Variants in TEPSIN observed in about 807,000 individuals in gnomAD.
TEPSIN encodes AP-4 complex accessory subunit tepsin.
In TEPSIN, 50 loss-of-function variants were observed where a neutral mutation model predicts 48.5. The observed-to-expected ratio is 1.03, with a 90% CI of 0.82 to 1.31. The LOEUF (loss-of-function observed/expected upper bound fraction) is 1.31. TEPSIN is among the 50% of genes most tolerant of loss of function. The probability of loss-of-function intolerance (pLI) is 0.00; values close to 1 mark genes in which losing one functional copy is unlikely to be tolerated. For synonymous variants in TEPSIN, 392 were observed against 358.8 expected (o/e 1.09, Z -1.05); for missense variants, 838 against 815.9 (o/e 1.03, Z -0.33).
At chr17:81,238,668 ACGTCCAC>A (rs1598365671) in intron 1 of TEPSIN, 1 of 1,183,274 alleles carries the variant, frequency 8.5e-7, no homozygotes, top group East Asian at 3.8e-5. Context: ...CAGCGGCTCC[ACGTCCAC>A]CGGGTCCGCC....
chr17:81,231,143 ATG>A (rs1383072736), intron 11 of TEPSIN: 3 of 570,730 alleles, frequency 5.3e-6, no homozygotes, highest in Non-Finnish European at 9.3e-6. Flanking sequence ...ACACACACAG[ATG>A]TGTGCATACC....
chr17:81,231,784 C>T, intron 9 of TEPSIN, 63 bp downstream of exon 9: 1 of 1,605,948 alleles, frequency 6.2e-7, no homozygotes, highest in South Asian at 1.1e-5. Flanking sequence ...AGGAGCCGCG[C>T]TGGGAGGGGG....
At chr17:81,236,493 C>T (rs571688169) in intron 4 of TEPSIN, among the ~76,000 whole-genome samples, 9 of 152,258 alleles carry the variant, frequency 5.9e-5, no homozygotes, top group Non-Finnish European at 1.0e-4. Flanking sequence ...GGGCAGGGCG[C>T]GTCAGGGGAG....
At chr17:81,238,395 C>G (rs1025784464) in intron 1 of TEPSIN, 1 of 266,820 alleles carries the variant, frequency 3.7e-6, no homozygotes, top group African/African-American at 2.3e-5. Flanking sequence ...CACCCAGCCC[C>G]CTCTGAGGTC....
Position 81,234,306 on chromosome 17 carries a change from C to G in TEPSIN, c.308-258G>C. ...CCTCGTCTCCCCCAGGGTCGGCAAC[C>G]CCTGGTGCCTGAGCGGGTGTGGCCT... is the stretch of plus-strand genomic sequence containing the variant. On this transcript the variant is annotated intron_variant, in intron 4 of 12. Coordinates refer to ENST00000637944, the MANE Select transcript of TEPSIN (RefSeq NM_001363764.2). The surrounding 1 kb of genome is among the most constrained non-coding windows in gnomAD (Gnocchi z 5.4). 1 of 374,212 alleles carries G rather than the reference C, an allele frequency of 2.7e-6. No homozygotes were observed. The highest frequency in any genetic ancestry group is 4.8e-6 in the Non-Finnish European group (1 of 209,580). The allele number at this position is 374,212 out of a possible 1,614,324, so 23.2% of individuals were successfully genotyped here. A position where few individuals can be genotyped will look rare whatever the true frequency, so the allele number is the denominator to read the frequency against.
chr17:81,231,228 CAT>C (rs1395071160), intron 11 of TEPSIN, 168 bp downstream of exon 11: 3 of 672,212 alleles, frequency 4.5e-6, no homozygotes, highest in Admixed American at 5.7e-5. Context: ...CATACACAGG[CAT>C]ACACACCCAC....
At chr17:81,237,318 A>G in intron 2 of TEPSIN, 69 bp downstream of exon 2, 1 of 1,527,570 alleles carries the variant, frequency 6.5e-7, no homozygotes, top group Non-Finnish European at 8.9e-7. Flanking sequence ...ATCCCCAGGA[A>G]CCCTTTGCAC....
intron 4 of TEPSIN, 131 bp downstream of exon 4, chr17:81,236,572 AGGCGG>A: frequency 1.1e-6 from 1 of 907,224 alleles, no homozygotes; most frequent in Non-Finnish European, 1.7e-6. Flanking sequence ...AGGATCAGCA[AGGCGG>A]GGCTTTGATC....
At position 81,231,262 on chromosome 17, in the gene TEPSIN, C is replaced by A. The variant is rs927327812; in HGVS notation, c.1098+136G>T. The A allele has an allele frequency of 6.4e-5, 58 of 899,622 alleles. No individual in the cohort carries two copies. The South Asian group carries it at 8.3e-4, about 13-fold the overall frequency. The allele number at this position is 899,622 out of a possible 1,614,324, so 55.7% of individuals were successfully genotyped here. A position where few individuals can be genotyped will look rare whatever the true frequency, so the allele number is the denominator to read the frequency against. ...CCACACGCACACACACAGGCATGTG[C>A]GCACGCACAGCCACACAGAGGAATG... On this transcript the variant is annotated intron_variant, in intron 11 of 12. Transcript: ENST00000637944.
rs541389707 is a variant in TEPSIN at position 81,233,991 on chromosome 17, G to A, written c.365C>T (p.Ala122Val). ...TGCTCCTGGGCTCACCTGCGCGGCC[G>A]CGCGAACCTTCTGGTACAAGCTGTT... is the stretch of plus-strand genomic sequence containing the variant. ...HGNSLYQKVR[A>V]AAQDLGSTLF... Residue 122 changes from alanine (A) to valine (V), a missense_variant, in exon 5 of 13, where the codon GCG (alanine) becomes GTG (valine). Ala to Val is a moderately conservative substitution (Grantham distance 64). Coordinates refer to ENST00000637944, the MANE Select transcript of TEPSIN (RefSeq NM_001363764.2). The surrounding 1 kb of genome is among the most constrained non-coding windows in gnomAD (Gnocchi z 5.8). 11 of 1,599,482 alleles carry A rather than the reference G, an allele frequency of 6.9e-6. No homozygotes were observed. Among genetic ancestry groups the A allele is most frequent in the Admixed American group, 1.8e-5 (1 of 55,314 alleles).
chr17:81,232,831 A>G, intron 7 of TEPSIN: 1 of 354,730 alleles, frequency 2.8e-6, no homozygotes, highest in Non-Finnish European at 5.1e-6. Flanking sequence ...GGGTGTGTCC[A>G]GGGCTCGGGG....
At chr17:81,235,330 G>A (rs570055092) in intron 4 of TEPSIN, among the ~76,000 whole-genome samples, 1 of 152,298 alleles carries the variant, frequency 6.6e-6, no homozygotes, top group East Asian at 1.9e-4. Flanking sequence ...CGTGGGGCAG[G>A]CCATCCTCAC....
Position 81,230,442 on chromosome 17 carries a change from G to A in TEPSIN, c.1233+102C>T. The A allele has an allele frequency of 2.0e-6, 3 of 1,507,376 alleles. No homozygotes were observed. Among genetic ancestry groups the A allele is most frequent in the South Asian group, 1.2e-5 (1 of 80,908 alleles). 93.4% of individuals were successfully genotyped at this position (1,507,376 alleles called of 1,614,324 possible). A position where few individuals can be genotyped will look rare whatever the true frequency, so the allele number is the denominator to read the frequency against. On this transcript the variant is annotated intron_variant, in intron 12 of 12. Transcript: ENST00000637944. The surrounding 1 kb of genome is among the most constrained non-coding windows in gnomAD (Gnocchi z 4.2). Reference sequence around the variant, plus strand: ...GGACTTGAGAGGGGGTCCGGGAAGGGCTGACCAGGCGCCGGGCAGGGACGG... The same window carrying A: ...GGACTTGAGAGGGGGTCCGGGAAGGACTGACCAGGCGCCGGGCAGGGACGG...
chr17:81,230,596 A>G lies in TEPSIN; in HGVS notation c.1181T>C (p.Leu394Pro), dbSNP rs777234977. Residue 394 changes from leucine to proline, a missense_variant, in exon 12 of 13, where the codon CTG (leucine) becomes CCG (proline). Leu to Pro is a moderately conservative substitution (Grantham distance 98). Coordinates refer to ENST00000637944, the MANE Select transcript of TEPSIN (RefSeq NM_001363764.2). The surrounding 1 kb of genome is among the most constrained non-coding windows in gnomAD (Gnocchi z 4.2). ...EHILLRTRPWLQELSMGSPGP... is the reference protein window; with the variant it reads ...EHILLRTRPWPQELSMGSPGP... ...CGGGCTGCCCATGCTGAGCTCCTGC[A>G]GCCACGGCCGGGTGCGGAGGAGGAT... 7 of 1,610,652 alleles carry G rather than the reference A, an allele frequency of 4.3e-6. No homozygotes were observed. Among genetic ancestry groups the G allele is most frequent in the Non-Finnish European group, 5.1e-6 (6 of 1,178,546 alleles).
In TEPSIN at chr17:81,231,635, A is replaced by T. The variant is rs149377106; in HGVS notation, c.962T>A (p.Val321Glu). Residue 321 changes from valine (V) to glutamate (E), a missense_variant, in exon 10 of 13, where the codon GTG becomes GAG. Val to Glu is a moderately radical substitution (Grantham distance 121). Transcript: ENST00000637944. ...CQQELSLVRT[V>E]TRGPRAFLSR... The stretch of plus-strand genomic sequence containing the variant: ...CAGGAAGGCGCGTGGTCCCCGAGTC[A>T]CAGTCCTCACCAAGCTCAACTCCTG... The T allele has an allele frequency of 4.3e-6, 7 of 1,613,208 alleles. No homozygotes were observed. Among genetic ancestry groups the T allele is most frequent in the Non-Finnish European group, 5.1e-6 (6 of 1,179,768 alleles).
Position 81,230,686 on chromosome 17 carries a change from T to G in TEPSIN, c.1099-8A>C, listed in dbSNP as rs1598348665. 1 of 1,531,276 alleles carries G rather than the reference T, an allele frequency of 6.5e-7. No individual in the cohort carries two copies. Among genetic ancestry groups the G allele is most frequent in the Non-Finnish European group, 8.8e-7 (1 of 1,136,784 alleles). The allele number at this position is 1,531,276 out of a possible 1,614,324, so 94.9% of individuals were successfully genotyped here. ...GATGGCACACAGCGCCCTCTGCGGG[T>G]GAAGGGAGGGGACATCAGCACCCAT... On this transcript the variant is annotated splice_polypyrimidine_tract_variant and splice_region_variant and intron_variant, in intron 11 of 12. Coordinates refer to ENST00000637944, the MANE Select transcript of TEPSIN (RefSeq NM_001363764.2). The surrounding 1 kb of genome is among the most constrained non-coding windows in gnomAD (Gnocchi z 4.2).
chr17:81,234,323 G>T lies in TEPSIN; in HGVS notation c.308-275C>A, dbSNP rs1026843139. The T allele has an allele frequency of 2.9e-6, 1 of 346,164 alleles. No individual in the cohort carries two copies. Among genetic ancestry groups the T allele is most frequent in the South Asian group, 1.0e-4 (1 of 9,640 alleles). 21.4% of individuals were successfully genotyped at this position (346,164 alleles called of 1,614,324 possible). A position where few individuals can be genotyped will look rare whatever the true frequency, so the allele number is the denominator to read the frequency against. On this transcript the variant is annotated intron_variant, in intron 4 of 12. Transcript: ENST00000637944. This position sits in a 1 kb window ranked among gnomAD's most constrained non-coding sequence, Gnocchi z 5.4. ...TCGGCAACCCCTGGTGCCTGAGCGG[G>T]TGTGGCCTCCCCGAAGCCCACTCTC... is the stretch of plus-strand genomic sequence containing the variant.
chr17:81,238,823 G>GGCGGGCGGGCAGCTCAGGGGCGTCGGC, intron 1 of TEPSIN, 163 bp downstream of exon 1: 2 of 1,331,102 alleles, frequency 1.5e-6, no homozygotes, highest in Non-Finnish European at 1.9e-6. Context: ...GGGACGGCGC[G>GGCGGGCGGGCAGCTCAGGGGCGTCGGC]GCGGGCGGGC....
Position 81,236,973 on chromosome 17 carries a change from G to T in TEPSIN, c.213+7C>A. ...CAGGCCTGACCCTTGACCACCCAGGGGCTCACCTTGAGCTTCCCGTGGCCG... is the reference window on the plus strand; with the variant it reads ...CAGGCCTGACCCTTGACCACCCAGGTGCTCACCTTGAGCTTCCCGTGGCCG... On this transcript the variant is annotated splice_region_variant and intron_variant, in intron 3 of 12. Transcript: ENST00000637944. 1 of 1,571,190 alleles carries T rather than the reference G, an allele frequency of 6.4e-7. No individual in the cohort carries two copies. Among genetic ancestry groups the T allele is most frequent in the Non-Finnish European group, 8.6e-7 (1 of 1,157,554 alleles).
Sources: gnomAD v4.1 joint callset for allele counts (sites outside exome capture counted in the v4.1 genomes callset) on GRCh38, gnomAD v4.1.1 for gene constraint, Gnocchi (gnomAD v3.1) non-coding constraint, MANE v1.5 for transcripts, NCBI Gene and HGNC (gene_info 2026-07-23, HGNC 2026-07-21) for gene names.